Variants in GPSM2 observed in about 807,000 individuals in gnomAD.
GPSM2 encodes the protein G protein signaling modulator 2, also known as G protein-signaling modulator 2.
Under a neutral mutation model 78.4 loss-of-function variants are expected in GPSM2, and 58 were observed. That is an observed-to-expected ratio of 0.74 (90% CI 0.60 to 0.92). The LOEUF is 0.92. Ranked by LOEUF, GPSM2 falls within the 40% of genes least tolerant of loss-of-function variation. The pLI is 0.00. For missense variants in GPSM2, 700 were observed against 815.5 expected, an observed-to-expected ratio of 0.86 and a Z score of 1.73; for synonymous variants, 224 against 280.2, an observed-to-expected ratio of 0.80 and a Z score of 2.00.
chr1:108,903,100 C>A, intron 8 of GPSM2, 26 bp from the exon 9 acceptor site: 2 of 1,339,990 alleles, frequency 1.5e-6, no homozygotes, highest in Non-Finnish European at 2.1e-6. Flanking sequence ...CAAATAACTG[C>A]ATGTTCGCTT....
At chr1:108,927,163 C>T (rs1394730217) in intron 14 of GPSM2, among the ~76,000 whole-genome samples, 1 of 152,134 alleles carries the variant, frequency 6.6e-6, no homozygotes, top group African/African-American at 2.4e-5. Flanking sequence ...ACAAATGGAA[C>T]AATATCCCAT....
chr1:108,924,578 T>C (rs931422514), intron 14 of GPSM2, among the ~76,000 whole-genome samples: 1 of 151,930 alleles, frequency 6.6e-6, no homozygotes, highest in Non-Finnish European at 1.5e-5. Flanking sequence ...CTGTTTTAGG[T>C]AGGGTGGTTA....
rs182541649 is a variant in GPSM2, at chr1:108,908,536, G to A, written c.1192+4282G>A. Among the ~76,000 whole-genome samples, 861 of 151,530 alleles carry A rather than the reference G, an allele frequency of 5.7e-3. 4 individuals carry two copies. Among genetic ancestry groups the A allele is most frequent in the Non-Finnish European group, 9.8e-3 (663 of 67,874 alleles). On this transcript the variant is annotated intron_variant, in intron 10 of 14. Transcript: ENST00000264126. ...GTCTCTACTAAAAAATTAGCTGGGC[G>A]TGGTGGCGGGCACCTGTAGTCCCAG... is the stretch of plus-strand genomic sequence containing the variant.
At chr1:108,910,515 T>G (rs1235515821) in intron 10 of GPSM2, among the ~76,000 whole-genome samples, 3 of 152,180 alleles carry the variant, frequency 2.0e-5, no homozygotes, top group Non-Finnish European at 2.9e-5. Flanking sequence ...CTTGTGAACA[T>G]AAGATATAAA....
chr1:108,926,501 C>T (rs951972526), intron 14 of GPSM2: 3 of 152,306 alleles, frequency 2.0e-5, no homozygotes, highest in African/African-American at 7.2e-5. Flanking sequence ...CAAAAGCCTA[C>T]AATCCAAATT....
intron 10 of GPSM2, among the ~76,000 whole-genome samples, chr1:108,908,789 G>A (rs1160143669): frequency 2.1e-5 from 3 of 144,450 alleles, no homozygotes; most frequent in Non-Finnish European, 4.6e-5. Flanking sequence ...AGGATCACTT[G>A]AGCCCAGGAG....
intron 11 of GPSM2, among the ~76,000 whole-genome samples, chr1:108,915,074 T>G (rs1650076383): frequency 1.3e-5 from 2 of 152,048 alleles, no homozygotes; most frequent in African/African-American, 4.8e-5. Context: ...ATAATTACAT[T>G]GTCAAAATAG....
intron 14 of GPSM2, 173 bp downstream of exon 14, chr1:108,924,387 A>G: frequency 2.9e-6 from 2 of 682,550 alleles, no homozygotes; most frequent in Non-Finnish European, 5.4e-6. Context: ...TATTCTAGGC[A>G]TCGAGGACAC....
At chr1:108,917,300 G>A (rs1650302001) in intron 11 of GPSM2, among the ~76,000 whole-genome samples, 1 of 151,976 alleles carries the variant, frequency 6.6e-6, no homozygotes, top group African/African-American at 2.4e-5. Context: ...GGGCGCAGTG[G>A]CTCACGCCTG....
At chr1:108,908,967 ATC>A (rs998172823) in intron 10 of GPSM2, among the ~76,000 whole-genome samples, 8 of 151,448 alleles carry the variant, frequency 5.3e-5, no homozygotes, top group African/African-American at 1.9e-4. Flanking sequence ...GGAGACCGCC[ATC>A]TCTCCAAAAA....
intron 14 of GPSM2, among the ~76,000 whole-genome samples, chr1:108,927,047 C>T (rs551086748): frequency 1.3e-5 from 2 of 152,160 alleles, no homozygotes; most frequent in Admixed American, 6.5e-5. Context: ...ATTTAAAATT[C>T]CATTTAAAAT....
At chr1:108,885,669 T>C (rs1172892062) in intron 2 of GPSM2, 91 bp downstream of exon 2, 8 of 800,070 alleles carry the variant, frequency 1.0e-5, no homozygotes, top group South Asian at 4.2e-5. Flanking sequence ...CAGTTGAAAA[T>C]ACTCAAATAT....
chr1:108,913,786 A>G (rs931440529), intron 10 of GPSM2, among the ~76,000 whole-genome samples: 1 of 152,198 alleles, frequency 6.6e-6, no homozygotes, highest in Admixed American at 6.5e-5. Context: ...TTGAATGGAT[A>G]TGGAAATTCT....
chr1:108,885,055 A>T (rs1218584519), intron 1 of GPSM2, among the ~76,000 whole-genome samples: 2 of 152,202 alleles, frequency 1.3e-5, no homozygotes, highest in Non-Finnish European at 2.9e-5. Flanking sequence ...AAAGTATTAA[A>T]TTTCAAACAT....
At chr1:108,881,635 T>A (rs1665906917) in intron 1 of GPSM2, among the ~76,000 whole-genome samples, 1 of 152,198 alleles carries the variant, frequency 6.6e-6, no homozygotes, top group Non-Finnish European at 1.5e-5. Flanking sequence ...CTAATTGTTA[T>A]GGAGATTGTA....
At chr1:108,883,089 A>G (rs991113407) in intron 1 of GPSM2, among the ~76,000 whole-genome samples, 13 of 152,330 alleles carry the variant, frequency 8.5e-5, no homozygotes, top group African/African-American at 2.6e-4. Context: ...CAAAACAACA[A>G]CAAAAGATAG....
At position 108,922,588 on chromosome 1, in the gene GPSM2, C is replaced by A; in HGVS notation, c.1600+12C>A. 1 of 1,600,168 alleles carries A rather than the reference C, an allele frequency of 6.2e-7. No individual in the cohort carries two copies. Among genetic ancestry groups the A allele is most frequent in the South Asian group, 1.1e-5 (1 of 90,768 alleles). On this transcript the variant is annotated intron_variant, in intron 13 of 14. Coordinates refer to ENST00000264126, the MANE Select transcript of GPSM2 (RefSeq NM_013296.5). Reference sequence around the variant, plus strand: ...AATGATGCTAAAAAGTAAGTCATCTCTGTTTCTCCCCCGATTTTAATAGTT... The same window carrying A: ...AATGATGCTAAAAAGTAAGTCATCTATGTTTCTCCCCCGATTTTAATAGTT...
chr1:108,910,971 TATTTCATATAGAACTAATGAA>T (rs1243784719), intron 10 of GPSM2, among the ~76,000 whole-genome samples: 1 of 152,154 alleles, frequency 6.6e-6, no homozygotes, highest in Non-Finnish European at 1.5e-5. Flanking sequence ...CTATTAAATC[TATTTCATATAGAACTAATGAA>T]ATAGTTCTAT....
chr1:108,883,485 G>T (rs1393844186), intron 1 of GPSM2, among the ~76,000 whole-genome samples: 2 of 152,216 alleles, frequency 1.3e-5, no homozygotes, highest in African/African-American at 2.4e-5. Context: ...ATTAAGATTA[G>T]CTGCTTTATG....
Sources: allele counts gnomAD v4.1 joint callset (sites outside exome capture counted in the v4.1 genomes callset), GRCh38; gene constraint gnomAD v4.1.1; transcripts MANE v1.5; gene names NCBI Gene and HGNC (gene_info 2026-07-23, HGNC 2026-07-21).